The following ARHGAP42 variants were observed in gnomAD, a reference collection of about 807,000 sequenced individuals.
The protein encoded by ARHGAP42 is Rho GTPase activating protein 42.
Under a neutral mutation model 125.0 loss-of-function variants are expected in ARHGAP42, and 63 were observed. The observed-to-expected ratio is 0.50, with a 90% CI of 0.41 to 0.62. The LOEUF is 0.62. Among genes scored for constraint, ARHGAP42 ranks in the 20% least tolerant of loss-of-function variants. The pLI is 0.00. For synonymous variants in ARHGAP42, 339 were observed against 351.0 expected, an observed-to-expected ratio of 0.97 and a Z score of 0.38; for missense variants, 766 against 1,024.2, an observed-to-expected ratio of 0.75 and a Z score of 3.44.
At chr11:100,771,294 C>T (rs1329114024) in intron 2 of ARHGAP42, among the ~76,000 whole-genome samples, 2 of 152,024 alleles carry the variant, frequency 1.3e-5, no homozygotes, top group Non-Finnish European at 2.9e-5. Flanking sequence ...ATGAAGAGGT[C>T]GTGTTATATG....
At chr11:100,917,798 C>T (rs1391233313) in intron 5 of ARHGAP42, among the ~76,000 whole-genome samples, 1 of 152,162 alleles carries the variant, frequency 6.6e-6, no homozygotes, top group African/African-American at 2.4e-5. Context: ...TCTTGAACTC[C>T]TGACCTCAAG....
intron 1 of ARHGAP42, among the ~76,000 whole-genome samples, chr11:100,703,198 G>A (rs896458085): frequency 6.6e-6 from 1 of 152,116 alleles, no homozygotes; most frequent in African/African-American, 2.4e-5. Flanking sequence ...AGATAATCTG[G>A]GGGAACATCA....
chr11:100,853,365 T>C (rs542038991), intron 3 of ARHGAP42, among the ~76,000 whole-genome samples: 19 of 152,170 alleles, frequency 1.2e-4, no homozygotes, highest in Non-Finnish European at 2.4e-4. Context: ...GGCAATATGC[T>C]ATGGTTAAGT....
intron 4 of ARHGAP42, among the ~76,000 whole-genome samples, chr11:100,865,839 C>T (rs1328134202): frequency 3.3e-5 from 5 of 151,980 alleles, no homozygotes; most frequent in African/African-American, 1.2e-4. Context: ...GATCTTGCCT[C>T]GATGTTGATA....
intron 1 of ARHGAP42, among the ~76,000 whole-genome samples, chr11:100,716,990 G>A (rs1355168807): frequency 6.6e-6 from 1 of 152,128 alleles, no homozygotes; most frequent in Non-Finnish European, 1.5e-5. Flanking sequence ...ATTCATAGGG[G>A]ATTTCAACAG....
intron 3 of ARHGAP42, among the ~76,000 whole-genome samples, chr11:100,837,666 CTTTTTTTTTTTTTT>C (rs373059302): frequency 1.6e-5 from 1 of 61,042 alleles, no homozygotes; most frequent in African/African-American, 7.1e-5. Context: ...AGGTGTCATC[CTTTTTTTTTTTTTT>C]TTTTTTTTTT....
At chr11:100,729,891 A>G (rs1217653619) in intron 1 of ARHGAP42, among the ~76,000 whole-genome samples, 5 of 147,278 alleles carry the variant, frequency 3.4e-5, no homozygotes, top group Non-Finnish European at 7.5e-5. Context: ...GCTCATTGCA[A>G]CCTCTGCCTC....
intron 1 of ARHGAP42, among the ~76,000 whole-genome samples, chr11:100,735,797 A>G (rs761465031): frequency 1.6e-4 from 24 of 151,692 alleles, no homozygotes; most frequent in Non-Finnish European, 3.5e-4. Flanking sequence ...TTTAGTAGAG[A>G]TGGGATTTCA....
chr11:100,872,766 A>G (rs2135161708), intron 4 of ARHGAP42, among the ~76,000 whole-genome samples: 1 of 152,250 alleles, frequency 6.6e-6, no homozygotes, highest in Non-Finnish European at 1.5e-5. Flanking sequence ...GTCAGGAGAA[A>G]GTTGATTAGC....
At chr11:100,735,504 C>G (rs1409582762) in intron 1 of ARHGAP42, among the ~76,000 whole-genome samples, 9 of 149,176 alleles carry the variant, frequency 6.0e-5, no homozygotes, top group Non-Finnish European at 1.0e-4. Flanking sequence ...CATCTTCTTT[C>G]TTTGCATGAT....
intron 4 of ARHGAP42, among the ~76,000 whole-genome samples, chr11:100,900,722 C>A (rs1399715173): frequency 6.6e-6 from 1 of 152,108 alleles, no homozygotes; most frequent in Admixed American, 6.5e-5. Context: ...CTTGTGTATG[C>A]ATCATGAAGT....
intron 12 of ARHGAP42, among the ~76,000 whole-genome samples, chr11:100,956,827 T>C (rs968013616): frequency 1.3e-5 from 2 of 152,140 alleles, no homozygotes; most frequent in African/African-American, 4.8e-5. Context: ...AAACAGATCA[T>C]TGCTCTATCC....
intron 3 of ARHGAP42, among the ~76,000 whole-genome samples, chr11:100,858,331 T>G (rs535830807): frequency 2.8e-4 from 43 of 152,190 alleles, no homozygotes; most frequent in African/African-American, 9.6e-4. Flanking sequence ...GAGACAAGAT[T>G]TTTTGAGTAT....
intron 22 of ARHGAP42, among the ~76,000 whole-genome samples, chr11:100,981,756 G>C (rs556273236): frequency 7.0e-4 from 106 of 152,280 alleles, no homozygotes; most frequent in Admixed American, 1.4e-3. Context: ...GTAGCAAAGG[G>C]ATGAAAAGCT....
chr11:100,746,679 G>C (rs1591146331), intron 1 of ARHGAP42, among the ~76,000 whole-genome samples: 1 of 152,220 alleles, frequency 6.6e-6, no homozygotes, highest in East Asian at 1.9e-4. Context: ...GGCAGCCGTA[G>C]GAGGTGGAGG....
intron 4 of ARHGAP42, among the ~76,000 whole-genome samples, chr11:100,906,934 C>G (rs920235019): frequency 6.6e-6 from 1 of 152,176 alleles, no homozygotes. Flanking sequence ...TCTGTTTCCA[C>G]AGGTAACAAC....
intron 22 of ARHGAP42, among the ~76,000 whole-genome samples, chr11:100,982,766 T>C (rs922596965): frequency 2.6e-5 from 4 of 152,210 alleles, no homozygotes; most frequent in South Asian, 2.1e-4. Context: ...AATGTTTCTA[T>C]TATCAAATTT....
chr11:100,947,919 G>A (rs567915504), intron 10 of ARHGAP42, among the ~76,000 whole-genome samples: 23 of 152,076 alleles, frequency 1.5e-4, no homozygotes, highest in African/African-American at 5.3e-4. Flanking sequence ...CAGAATGACT[G>A]CATGGGAGAG....
At chr11:100,721,479 C>CTT (rs139031761) in intron 1 of ARHGAP42, among the ~76,000 whole-genome samples, 37 of 147,806 alleles carry the variant, frequency 2.5e-4, no homozygotes, top group African/African-American at 4.2e-4. Flanking sequence ...CTTTTCTTTT[C>CTT]TTTTTTTTTT....
Sources: gnomAD v4.1 joint callset for allele counts (sites outside exome capture counted in the v4.1 genomes callset) on GRCh38, gnomAD v4.1.1 for gene constraint, MANE v1.5 for transcripts, NCBI Gene and HGNC (gene_info 2026-07-23, HGNC 2026-07-21) for gene names.